The following SLC35D4 variants were observed in gnomAD, a reference collection of about 807,000 sequenced individuals.
The protein encoded by SLC35D4 is solute carrier family 35 member D4.
At chr18:23,297,598 C>G in the SLC35D4 span, 1 of 158,902 alleles carries the variant, frequency 6.3e-6, no homozygotes, top group South Asian at 1.9e-4. Context: ...GGCCCACTAC[C>G]TTGCACTGAA....
the SLC35D4 span, among the ~76,000 whole-genome samples, chr18:23,434,992 T>C: frequency 1.3e-5 from 2 of 151,864 alleles, no homozygotes; most frequent in Admixed American, 6.6e-5. Context: ...ACTCCATCTC[T>C]ACTAAAAATA....
the SLC35D4 span, among the ~76,000 whole-genome samples, chr18:23,388,317 T>G: frequency 6.6e-6 from 1 of 152,328 alleles, no homozygotes; most frequent in African/African-American, 2.4e-5. Context: ...TTAAACATAG[T>G]GCTAAGTATT....
chr18:23,302,815 C>T, the SLC35D4 span, among the ~76,000 whole-genome samples: 4 of 152,198 alleles, frequency 2.6e-5, no homozygotes, highest in African/African-American at 7.2e-5. Flanking sequence ...CACACGCCAA[C>T]GTGAAGAGGC....
chr18:23,370,184 C>A, the SLC35D4 span: 1 of 1,574,816 alleles, frequency 6.3e-7, no homozygotes, highest in Non-Finnish European at 8.6e-7. Context: ...GAGCTAAACT[C>A]CATCTCAAGG....
the SLC35D4 span, among the ~76,000 whole-genome samples, chr18:23,432,623 G>T: frequency 3.3e-5 from 5 of 150,886 alleles, no homozygotes; most frequent in South Asian, 1.0e-3. Flanking sequence ...GGAGGTTGCA[G>T]TGAGCCGAGA....
the SLC35D4 span, among the ~76,000 whole-genome samples, chr18:23,334,109 G>T: frequency 1.3e-5 from 2 of 152,100 alleles, no homozygotes; most frequent in Non-Finnish European, 2.9e-5. Context: ...CTCCTGAAGG[G>T]GAGAAAAGGG....
At chr18:23,422,811 C>G in the SLC35D4 span, among the ~76,000 whole-genome samples, 3 of 17,466 alleles carry the variant, frequency 1.7e-4, no homozygotes, top group African/African-American at 2.8e-4. Flanking sequence ...TCACAAACAC[C>G]CCTCCCCCCC....
the SLC35D4 span, among the ~76,000 whole-genome samples, chr18:23,332,751 A>C: frequency 6.6e-6 from 1 of 151,580 alleles, no homozygotes; most frequent in Admixed American, 6.6e-5. Flanking sequence ...TCAAAAATTG[A>C]TTAAAAAAAA....
At chr18:23,253,742 A>T in the SLC35D4 span, 89 of 1,614,020 alleles carry the variant, frequency 5.5e-5, no homozygotes, top group Non-Finnish European at 6.7e-5. Context: ...GAAACGAGAG[A>T]TGCGGAAGCT....
the SLC35D4 span, among the ~76,000 whole-genome samples, chr18:23,428,484 T>TATTA: frequency 6.6e-6 from 1 of 152,164 alleles, no homozygotes; most frequent in Non-Finnish European, 1.5e-5. Context: ...TCAAGGAGAA[T>TATTA]ACTAAAGAAG....
At chr18:23,276,700 G>A in the SLC35D4 span, among the ~76,000 whole-genome samples, 27 of 152,144 alleles carry the variant, frequency 1.8e-4, no homozygotes, top group African/African-American at 2.7e-4. Flanking sequence ...AGTCAACCCC[G>A]GCGCTAGCCA....
At chr18:23,345,437 G>A in the SLC35D4 span, among the ~76,000 whole-genome samples, 1 of 122,104 alleles carries the variant, frequency 8.2e-6, no homozygotes, top group Non-Finnish European at 1.6e-5. Context: ...AGCCAAGATC[G>A]CACCACTGTA....
the SLC35D4 span, chr18:23,258,926 G>A: frequency 1.3e-5 from 2 of 150,350 alleles, no homozygotes; most frequent in Admixed American, 1.3e-4. Flanking sequence ...AGATTGCACT[G>A]AGTTTAGTCC....
chr18:23,357,358 A>G, the SLC35D4 span, among the ~76,000 whole-genome samples: 1 of 152,222 alleles, frequency 6.6e-6, no homozygotes, highest in African/African-American at 2.4e-5. Context: ...ATAATCACAC[A>G]TATTGGCTGC....
chr18:23,374,824 A>T, the SLC35D4 span, among the ~76,000 whole-genome samples: 1 of 152,164 alleles, frequency 6.6e-6, no homozygotes, highest in South Asian at 2.1e-4. Flanking sequence ...GTTATAAAAG[A>T]TAGTATTGTG....
chr18:23,346,717 A>G, the SLC35D4 span, among the ~76,000 whole-genome samples: 1 of 152,146 alleles, frequency 6.6e-6, no homozygotes, highest in Non-Finnish European at 1.5e-5. Context: ...TAGTTTTTTG[A>G]GAGTTTTTAT....
the SLC35D4 span, among the ~76,000 whole-genome samples, chr18:23,298,990 C>T: frequency 2.0e-4 from 30 of 152,334 alleles, no homozygotes; most frequent in Non-Finnish European, 3.2e-4. Flanking sequence ...AGGCTGTTCA[C>T]GCTACATACC....
the SLC35D4 span, among the ~76,000 whole-genome samples, chr18:23,241,729 G>T: frequency 6.6e-6 from 1 of 152,040 alleles, no homozygotes; most frequent in African/African-American, 2.4e-5. Flanking sequence ...ATATTAACCA[G>T]CCATGATGTA....
At chr18:23,325,081 G>A in the SLC35D4 span, among the ~76,000 whole-genome samples, 2 of 152,070 alleles carry the variant, frequency 1.3e-5, no homozygotes, top group Non-Finnish European at 1.5e-5. Context: ...ACAGCAGTGA[G>A]CCAGCAGGGA....
Sources: allele counts gnomAD v4.1 joint callset (sites outside exome capture counted in the v4.1 genomes callset), GRCh38; gene constraint gnomAD v4.1.1; transcripts MANE v1.5; gene names NCBI Gene and HGNC (gene_info 2026-07-23, HGNC 2026-07-21).